NXPH2: variants seen among roughly 807,000 people sequenced by gnomAD.
NXPH2 encodes neurexophilin 2.
A neutral mutation model predicts 19.8 loss-of-function variants in NXPH2; 5 were observed. That is an observed-to-expected ratio of 0.25 (90% CI 0.13 to 0.53). The LOEUF is 0.53. NXPH2 is among the 20% of genes least tolerant of loss of function. NXPH2 has a pLI of 0.96. For synonymous variants in NXPH2, 154 were observed against 127.4 expected (o/e 1.21, Z -1.41); for missense variants, 289 against 322.8 (o/e 0.90, Z 0.80).
At chr2:138,742,943 C>G (rs1213143080) in intron 1 of NXPH2, among the ~76,000 whole-genome samples, 1 of 152,134 alleles carries the variant, frequency 6.6e-6, no homozygotes, top group Non-Finnish European at 1.5e-5. Context: ...CAACCACAAA[C>G]AGCAACAACA....
At chr2:138,713,967 A>G (rs1158107097) in intron 1 of NXPH2, among the ~76,000 whole-genome samples, 1 of 136,768 alleles carries the variant, frequency 7.3e-6, no homozygotes, top group African/African-American at 2.6e-5. Context: ...GAAACAAACA[A>G]AAAAGCAAAA....
chr2:138,681,224 G>A (rs1044921202), intron 1 of NXPH2, among the ~76,000 whole-genome samples: 3 of 152,176 alleles, frequency 2.0e-5, no homozygotes, highest in African/African-American at 7.2e-5. Context: ...ACAATATAGA[G>A]TTGTCTTTAT....
chr2:138,731,847 C>T (rs10928663), intron 1 of NXPH2, among the ~76,000 whole-genome samples: 140,604 of 152,166 alleles, frequency 0.92, 65,443 homozygotes, highest in East Asian at 1. Context: ...CTGAGAGTCA[C>T]CTTCTTTTGA....
intron 1 of NXPH2, among the ~76,000 whole-genome samples, chr2:138,705,285 CA>C (rs1297470234): frequency 6.6e-6 from 1 of 152,064 alleles, no homozygotes; most frequent in Non-Finnish European, 1.5e-5. Context: ...TAAAAATAAA[CA>C]TTAAGATCCT....
At chr2:138,701,481 C>G (rs1045936073) in intron 1 of NXPH2, among the ~76,000 whole-genome samples, 2 of 152,036 alleles carry the variant, frequency 1.3e-5, no homozygotes, top group Non-Finnish European at 2.9e-5. Flanking sequence ...TTTTTGAGCA[C>G]CAACTACACA....
At chr2:138,720,289 T>C (rs1292761547) in intron 1 of NXPH2, among the ~76,000 whole-genome samples, 1 of 152,210 alleles carries the variant, frequency 6.6e-6, no homozygotes, top group Non-Finnish European at 1.5e-5. Context: ...CATACAATCC[T>C]CAGTAACAGA....
intron 1 of NXPH2, among the ~76,000 whole-genome samples, chr2:138,731,370 T>C (rs907876039): frequency 6.6e-6 from 1 of 152,124 alleles, no homozygotes; most frequent in African/African-American, 2.4e-5. Context: ...GTGTACCTGC[T>C]CTTGCCAGCT....
At chr2:138,758,249 T>C (rs983096690) in intron 1 of NXPH2, among the ~76,000 whole-genome samples, 24 of 152,180 alleles carry the variant, frequency 1.6e-4, no homozygotes, top group African/African-American at 4.3e-4. Flanking sequence ...GGTCTATCTA[T>C]AATACTATTA....
At chr2:138,744,206 G>GC (rs1681690994) in intron 1 of NXPH2, among the ~76,000 whole-genome samples, 1 of 152,008 alleles carries the variant, frequency 6.6e-6, no homozygotes, top group Non-Finnish European at 1.5e-5. Context: ...CTATTACACT[G>GC]TACTTTCCTT....
intron 1 of NXPH2, among the ~76,000 whole-genome samples, chr2:138,760,545 G>A (rs1264988927): frequency 1.3e-5 from 2 of 152,164 alleles, no homozygotes; most frequent in South Asian, 2.1e-4. Context: ...AAATCATAAC[G>A]TGTGTAGAGG....
intron 1 of NXPH2, among the ~76,000 whole-genome samples, chr2:138,684,443 A>G (rs1274537679): frequency 2.0e-5 from 3 of 151,626 alleles, no homozygotes; most frequent in Admixed American, 6.6e-5. Context: ...TTAAAGTCTG[A>G]TAACTGTTAA....
At chr2:138,681,549 C>A (rs898170526) in intron 1 of NXPH2, among the ~76,000 whole-genome samples, 2 of 152,118 alleles carry the variant, frequency 1.3e-5, no homozygotes, top group Non-Finnish European at 2.9e-5. Context: ...TTATAGTACA[C>A]CAAAAATATG....
intron 1 of NXPH2, among the ~76,000 whole-genome samples, chr2:138,739,515 T>G (rs1024424668): frequency 9.2e-5 from 14 of 151,962 alleles, no homozygotes; most frequent in Non-Finnish European, 1.6e-4. Flanking sequence ...AGGAAGGGAA[T>G]GAGGGAGAGA....
intron 1 of NXPH2, among the ~76,000 whole-genome samples, chr2:138,682,179 G>A (rs890470095): frequency 1.3e-5 from 2 of 152,062 alleles, no homozygotes. Flanking sequence ...CAATTTTATC[G>A]GCATCCCATT....
At chr2:138,777,830 T>TAAAAAAA (rs1682289623) in intron 1 of NXPH2, among the ~76,000 whole-genome samples, 1 of 18,214 alleles carries the variant, frequency 5.5e-5, no homozygotes, top group Non-Finnish European at 1.3e-4. Flanking sequence ...CACCAAAAAA[T>TAAAAAAA]TAAAAAAAAA....
intron 1 of NXPH2, among the ~76,000 whole-genome samples, chr2:138,709,549 A>C (rs1681066092): frequency 6.6e-6 from 1 of 150,986 alleles, no homozygotes; most frequent in East Asian, 2.0e-4. Flanking sequence ...CCTCAAGTCC[A>C]TGTTTATGTT....
intron 1 of NXPH2, among the ~76,000 whole-genome samples, chr2:138,699,287 GA>G (rs1680879910): frequency 6.6e-6 from 1 of 152,120 alleles, no homozygotes; most frequent in Non-Finnish European, 1.5e-5. Context: ...CTATGGAAAT[GA>G]AAGTGCTGCC....
At position 138,754,056 on chromosome 2, in the gene NXPH2, T is replaced by TC. The variant is rs1358832155; in HGVS notation, c.51+26134dup. ...CTGTGTTGCCAGTCTGGACTCACAC[T>TC]CCTGGGCTCCAGTGATTCCCTCCCA... On this transcript the variant is annotated intron_variant, in intron 1 of 1. Transcript: ENST00000272641. 4.6e-5 allele frequency among the ~76,000 whole-genome samples: 7 copies of TC among 152,234 alleles called. No individual in the cohort carries two copies. The East Asian group carries it at 1.4e-3, about 29-fold the overall frequency.
intron 1 of NXPH2, among the ~76,000 whole-genome samples, chr2:138,730,193 C>CT (rs36026678): frequency 0.21 from 30,827 of 149,252 alleles, 3,673 homozygotes; most frequent in East Asian, 0.53. Context: ...CCACCCCACC[C>CT]TTTTTTTTTT....
Sources: gnomAD v4.1 joint callset for allele counts (sites outside exome capture counted in the v4.1 genomes callset) on GRCh38, gnomAD v4.1.1 for gene constraint, MANE v1.5 for transcripts, NCBI Gene and HGNC (gene_info 2026-07-23, HGNC 2026-07-21) for gene names.